The following TACC1 variants were observed in gnomAD, a reference collection of about 807,000 sequenced individuals.
The protein encoded by TACC1 is transforming acidic coiled-coil-containing protein 1.
Under a neutral mutation model 84.4 loss-of-function variants are expected in TACC1, and 48 were observed. That is an observed-to-expected ratio of 0.57 (90% CI 0.45 to 0.72). The LOEUF (loss-of-function observed/expected upper bound fraction) is 0.72, where lower values mean the gene tolerates loss of function less well. Among genes scored for constraint, TACC1 ranks in the 30% least tolerant of loss-of-function variants. The pLI, the probability that TACC1 is intolerant of heterozygous loss-of-function variation, is 0.00. For synonymous variants in TACC1, 372 were observed against 376.3 expected (o/e 0.99, Z 0.13); for missense variants, 920 against 973.0 (o/e 0.95, Z 0.72).
chr8:38,840,079 AGAT>A (rs1417068858), intron 8 of TACC1, 142 bp from the exon 9 acceptor site: 4 of 316,634 alleles, frequency 1.3e-5, no homozygotes, highest in Non-Finnish European at 2.3e-5. Flanking sequence ...AAAAAAAAAA[AGAT>A]AACGAGAGCC....
At chr8:38,769,102 TGA>T (rs942487788) in intron 3 of TACC1, among the ~76,000 whole-genome samples, 1 of 144,080 alleles carries the variant, frequency 6.9e-6, no homozygotes, top group Non-Finnish European at 1.5e-5. Flanking sequence ...TGTGTGTGTG[TGA>T]GAGACTGTAT....
chr8:38,764,323 C>A (rs545000685), intron 3 of TACC1, among the ~76,000 whole-genome samples: 58 of 151,804 alleles, frequency 3.8e-4, no homozygotes, highest in African/African-American at 1.1e-3. Context: ...GGTGATTCAC[C>A]CTCCTCAGCC....
rs942371867 is a variant in TACC1, at chr8:38,852,202, T to A, written c.*4179T>A. The A allele has an allele frequency of 1.4e-5, 4 of 289,624 alleles. No individual in the cohort carries two copies. The highest frequency in any genetic ancestry group is 1.3e-4 in the Admixed American group (3 of 22,728). The allele number at this position is 289,624 out of a possible 1,614,324, so 17.9% of individuals were successfully genotyped here. ...GTGCCTCTTAGCATGCAGTTAGATT[T>A]GGACAAACAAGATTCCTAAGGAATG... On this transcript the variant is annotated 3_prime_UTR_variant, in exon 13 of 13. Transcript: ENST00000317827.
At chr8:38,833,435 C>T (rs566955912) in intron 6 of TACC1, among the ~76,000 whole-genome samples, 1 of 152,344 alleles carries the variant, frequency 6.6e-6, no homozygotes, top group Admixed American at 6.5e-5. Flanking sequence ...TAGGCAAGGG[C>T]ATACATTCCT....
intron 3 of TACC1, among the ~76,000 whole-genome samples, chr8:38,822,242 CT>C (rs1827018951): frequency 1.6e-5 from 1 of 63,500 alleles, no homozygotes; most frequent in African/African-American, 9.0e-5. Flanking sequence ...AAGACCCTGT[CT>C]TTAAAAAAAA....
In TACC1 at chr8:38,756,109, C is replaced by T. The variant is rs117798485; in HGVS notation, c.26+10616C>T. Reference sequence around the variant, plus strand: ...GATTACAGGTGTGAGCCACCGCGCCCGGCCGGGAAGAGAGAATTATAAAAT... The same window carrying T: ...GATTACAGGTGTGAGCCACCGCGCCTGGCCGGGAAGAGAGAATTATAAAAT... On this transcript the variant is annotated intron_variant, in intron 3 of 14. Coordinates refer to the TACC1 transcript ENST00000518415. 8.3e-3 allele frequency among the ~76,000 whole-genome samples: 1,264 copies of T among 151,970 alleles called. 10 individuals carry two copies. Among genetic ancestry groups the T allele is most frequent in the Non-Finnish European group, 0.013 (912 of 67,978 alleles).
intron 3 of TACC1, among the ~76,000 whole-genome samples, chr8:38,767,820 T>A (rs1812536540): frequency 6.6e-6 from 1 of 152,130 alleles, no homozygotes; most frequent in Non-Finnish European, 1.5e-5. Flanking sequence ...ATCCCAACAC[T>A]TTGGGAGTCT....
intron 3 of TACC1, among the ~76,000 whole-genome samples, chr8:38,774,878 G>A (rs1355900133): frequency 2.0e-5 from 3 of 151,968 alleles, no homozygotes; most frequent in African/African-American, 7.3e-5. Context: ...GGGCATGGTG[G>A]CACATGCATG....
intron 8 of TACC1, chr8:38,839,350 A>G (rs17514531): frequency 0.32 from 124,238 of 393,268 alleles, 21,005 homozygotes; most frequent in Non-Finnish European, 0.37. Flanking sequence ...GAGCCATGAA[A>G]TGACTAAAGA....
chr8:38,830,957 A>T (rs1450720972), intron 5 of TACC1, among the ~76,000 whole-genome samples, 168 bp from the exon 6 acceptor site: 1 of 152,264 alleles, frequency 6.6e-6, no homozygotes, highest in Non-Finnish European at 1.5e-5. Context: ...TCATGGACTT[A>T]TAACAGCACT....
chr8:38,805,300 T>C (rs1822410960), intron 2 of TACC1: 1 of 152,234 alleles, frequency 6.6e-6, no homozygotes, highest in Non-Finnish European at 1.5e-5. Context: ...TCAGTTGGCT[T>C]TCAAAAATAA....
chr8:38,827,500 C>T lies in TACC1; in HGVS notation c.1660+125C>T, dbSNP rs904367255. 8 of 956,286 alleles carry T rather than the reference C, an allele frequency of 8.4e-6. No individual in the cohort carries two copies. In the African/African-American group the frequency reaches 1.3e-4, roughly 16 times the overall value. The allele number at this position is 956,286 out of a possible 1,614,324, so 59.2% of individuals were successfully genotyped here. A position where few individuals can be genotyped will look rare whatever the true frequency, so the allele number is the denominator to read the frequency against. On this transcript the variant is annotated intron_variant, in intron 5 of 12. Coordinates refer to ENST00000317827, the MANE Select transcript of TACC1 (RefSeq NM_006283.3). Reference sequence around the variant, plus strand: ...TCACTTGAAGGATAGATTTAGGATGCTGACCTATGCTTTGCTTCTTTACCT... The same window carrying T: ...TCACTTGAAGGATAGATTTAGGATGTTGACCTATGCTTTGCTTCTTTACCT...
chr8:38,738,665 CTT>C (rs112889333), intron 1 of TACC1, among the ~76,000 whole-genome samples: 8 of 143,954 alleles, frequency 5.6e-5, no homozygotes, highest in Non-Finnish European at 9.2e-5. Flanking sequence ...GTTTTGAGCA[CTT>C]TTTTTTTTTT....
chr8:38,834,084 A>T lies in TACC1; in HGVS notation c.1714-2078A>T, dbSNP rs1588091372. ...CCAACACTTAAAGCAAGTGTTTATT[A>T]TCTCATTGTTTCTGTGCGTCAGGAA... is the stretch of plus-strand genomic sequence containing the variant. On this transcript the variant is annotated intron_variant, in intron 6 of 12. Coordinates refer to ENST00000317827, the MANE Select transcript of TACC1 (RefSeq NM_006283.3). 2.6e-5 allele frequency among the ~76,000 whole-genome samples: 4 copies of T among 152,204 alleles called. No homozygotes were observed. The South Asian group carries it at 8.3e-4, about 31-fold the overall frequency.
chr8:38,810,293 G>T (rs907238982), intron 2 of TACC1, among the ~76,000 whole-genome samples: 1 of 151,794 alleles, frequency 6.6e-6, no homozygotes, highest in Non-Finnish European at 1.5e-5. Flanking sequence ...TATTTTTTAG[G>T]TAAACTTTTT....
At chr8:38,806,901 C>T (rs918564829) in intron 2 of TACC1, among the ~76,000 whole-genome samples, 1 of 152,150 alleles carries the variant, frequency 6.6e-6, no homozygotes, top group Non-Finnish European at 1.5e-5. Flanking sequence ...AATTGCAAGT[C>T]CCAGATCCCA....
intron 6 of TACC1, among the ~76,000 whole-genome samples, chr8:38,834,234 CAT>C (rs1420970018): frequency 6.6e-6 from 1 of 152,202 alleles, no homozygotes; most frequent in Admixed American, 6.5e-5. Context: ...CAAGCTCACT[CAT>C]GTGGTTGTTG....
At chr8:38,823,607 G>GT (rs921817035) in intron 3 of TACC1, among the ~76,000 whole-genome samples, 1 of 152,160 alleles carries the variant, frequency 6.6e-6, no homozygotes, top group African/African-American at 2.4e-5. Flanking sequence ...CCCCTATTCT[G>GT]TTTTTGTTGA....
At chr8:38,825,277 A>T (rs548693962) in intron 3 of TACC1, 31 bp from the exon 4 acceptor site, 1 of 1,613,554 alleles carries the variant, frequency 6.2e-7, no homozygotes, top group Non-Finnish European at 8.5e-7. Context: ...GTGATTGCAA[A>T]CTGGCTTGTT....
Sources: allele counts gnomAD v4.1 joint callset (sites outside exome capture counted in the v4.1 genomes callset), GRCh38; gene constraint gnomAD v4.1.1; transcripts MANE v1.5; gene names NCBI Gene and HGNC (gene_info 2026-07-23, HGNC 2026-07-21).